Variants in RALGAPA2 observed in about 807,000 individuals in gnomAD.
RALGAPA2 encodes the protein Ral GTPase activating protein catalytic subunit alpha 2, also known as ral GTPase-activating protein subunit alpha-2.
Under a neutral mutation model 230.4 loss-of-function variants are expected in RALGAPA2, and 139 were observed. That is an observed-to-expected ratio of 0.60 (90% CI 0.53 to 0.69). The LOEUF is 0.69. RALGAPA2 is among the 30% of genes least tolerant of loss of function. RALGAPA2 has a pLI of 0.00. For missense variants in RALGAPA2, 2,163 were observed against 2,276.0 expected (o/e 0.95, Z 1.01); for synonymous variants, 847 against 837.8 (o/e 1.01, Z -0.19).
chr20:20,654,163 T>C (rs1166179268), intron 3 of RALGAPA2, among the ~76,000 whole-genome samples: 1 of 152,218 alleles, frequency 6.6e-6, no homozygotes, highest in Non-Finnish European at 1.5e-5. Flanking sequence ...TTGACTTTTG[T>C]AGATTCCATA....
At chr20:20,584,640 C>T (rs2065079835) in intron 19 of RALGAPA2, among the ~76,000 whole-genome samples, 3 of 152,032 alleles carry the variant, frequency 2.0e-5, no homozygotes, top group African/African-American at 4.8e-5. Context: ...ATCAGCCAAG[C>T]GCATTGACAT....
chr20:20,435,694 G>C (rs998215998), intron 37 of RALGAPA2, among the ~76,000 whole-genome samples: 2 of 152,164 alleles, frequency 1.3e-5, no homozygotes, highest in Non-Finnish European at 2.9e-5. Context: ...TAGCAAAGAA[G>C]GAGGCAGGCT....
chr20:20,533,995 T>A (rs534736944), intron 26 of RALGAPA2, among the ~76,000 whole-genome samples: 1 of 151,742 alleles, frequency 6.6e-6, no homozygotes, highest in Non-Finnish European at 1.5e-5. Flanking sequence ...AAAGCAAATA[T>A]AAAATAGAGA....
intron 28 of RALGAPA2, among the ~76,000 whole-genome samples, chr20:20,525,776 C>T (rs577599945): frequency 2.0e-5 from 3 of 152,276 alleles, no homozygotes; most frequent in African/African-American, 7.2e-5. Context: ...CTCTTTCCTA[C>T]CAGTTACCCC....
At chr20:20,458,476 AAT>A (rs1284400515) in intron 37 of RALGAPA2, among the ~76,000 whole-genome samples, 1 of 138,638 alleles carries the variant, frequency 7.2e-6, no homozygotes, top group African/African-American at 2.7e-5. Flanking sequence ...TATAATATAT[AAT>A]ATATATGTAT....
intron 28 of RALGAPA2, among the ~76,000 whole-genome samples, chr20:20,525,747 C>A (rs2063181396): frequency 1.3e-5 from 2 of 152,182 alleles, no homozygotes; most frequent in Non-Finnish European, 2.9e-5. Context: ...GGAGAAGATT[C>A]TTCCTATTCC....
chr20:20,553,514 T>C (rs2063989910), intron 23 of RALGAPA2, among the ~76,000 whole-genome samples: 1 of 152,170 alleles, frequency 6.6e-6, no homozygotes, highest in South Asian at 2.1e-4. Context: ...ATTGTAAGAC[T>C]GCATTCCAGC....
At chr20:20,465,197 A>ACACACACACACACACC (rs772089136) in intron 37 of RALGAPA2, among the ~76,000 whole-genome samples, 1 of 147,342 alleles carries the variant, frequency 6.8e-6, no homozygotes, top group African/African-American at 2.5e-5. Context: ...ACACACACAC[A>ACACACACACACACACC]CTCTCTCATA....
intron 33 of RALGAPA2, among the ~76,000 whole-genome samples, chr20:20,507,453 G>A (rs1161200145): frequency 2.0e-5 from 3 of 151,954 alleles, no homozygotes; most frequent in South Asian, 2.1e-4. Flanking sequence ...AGTGATTCTC[G>A]TGCCTCAGCC....
chr20:20,505,797 C>T (rs907399961), intron 33 of RALGAPA2, among the ~76,000 whole-genome samples: 10 of 152,182 alleles, frequency 6.6e-5, no homozygotes, highest in African/African-American at 2.4e-4. Flanking sequence ...GCACATCCAG[C>T]AAGCTGGGGA....
At chr20:20,555,644 T>C (rs1339299158) in intron 23 of RALGAPA2, among the ~76,000 whole-genome samples, 1 of 152,230 alleles carries the variant, frequency 6.6e-6, no homozygotes, top group Non-Finnish European at 1.5e-5. Context: ...TTCCTAAGTA[T>C]TTGATTCTTT....
rs145806616 is a variant in RALGAPA2 at position 20,548,252 on chromosome 20, T to G, written c.3157-1420A>C. On this transcript the variant is annotated intron_variant, in intron 23 of 39. Coordinates refer to ENST00000202677, the MANE Select transcript of RALGAPA2 (RefSeq NM_020343.4). ...TCAGTATCACATTAGAGCAAAGCAGTAGTAACATGCTAAATTCTAACATGT... is the reference window on the plus strand; with the variant it reads ...TCAGTATCACATTAGAGCAAAGCAGGAGTAACATGCTAAATTCTAACATGT... 9.1e-4 allele frequency among the ~76,000 whole-genome samples: 139 copies of G among 152,284 alleles called. No homozygotes were observed. The Middle Eastern group carries it at 0.01, about 11-fold the overall frequency.
chr20:20,551,129 C>G (rs1413634264), intron 23 of RALGAPA2, among the ~76,000 whole-genome samples: 2 of 152,194 alleles, frequency 1.3e-5, no homozygotes, highest in African/African-American at 4.8e-5. Flanking sequence ...GGAAAATTAT[C>G]ATTTTAGATT....
chr20:20,504,007 A>G (rs2062456388), intron 34 of RALGAPA2, among the ~76,000 whole-genome samples: 1 of 152,258 alleles, frequency 6.6e-6, no homozygotes, highest in Admixed American at 6.5e-5. Context: ...TTTATGAGTC[A>G]TAATTCAAAG....
chr20:20,490,895 C>CACAG (rs2062035875), intron 36 of RALGAPA2, among the ~76,000 whole-genome samples: 1 of 145,052 alleles, frequency 6.9e-6, no homozygotes, highest in African/African-American at 2.6e-5. Context: ...CACACACACA[C>CACAG]TCACACTCAC....
intron 37 of RALGAPA2, among the ~76,000 whole-genome samples, chr20:20,454,782 T>C (rs2061071196): frequency 6.6e-6 from 1 of 152,256 alleles, no homozygotes; most frequent in South Asian, 2.1e-4. Flanking sequence ...CATTGTCTTC[T>C]AATGATGTTT....
At chr20:20,697,143 A>C (rs905180581) in intron 1 of RALGAPA2, among the ~76,000 whole-genome samples, 8 of 152,216 alleles carry the variant, frequency 5.3e-5, no homozygotes, top group African/African-American at 1.9e-4. Flanking sequence ...GACTTTAAAA[A>C]CAGTGGAAAC....
At chr20:20,616,528 G>A (rs1322994202) in intron 12 of RALGAPA2, among the ~76,000 whole-genome samples, 1 of 152,148 alleles carries the variant, frequency 6.6e-6, no homozygotes, top group Non-Finnish European at 1.5e-5. Flanking sequence ...AGGAAAACAA[G>A]GGAAAAAAGT....
intron 23 of RALGAPA2, among the ~76,000 whole-genome samples, chr20:20,556,545 T>C (rs1043943422): frequency 1.3e-5 from 2 of 152,252 alleles, no homozygotes; most frequent in Non-Finnish European, 2.9e-5. Flanking sequence ...GCTTCAAATC[T>C]ACACCATTAC....
Sources: allele counts gnomAD v4.1 joint callset (sites outside exome capture counted in the v4.1 genomes callset), GRCh38; gene constraint gnomAD v4.1.1; transcripts MANE v1.5; gene names NCBI Gene and HGNC (gene_info 2026-07-23, HGNC 2026-07-21).